Variants in EEIG1 observed in about 807,000 individuals in gnomAD.
EEIG1 encodes the protein estrogen-induced osteoclastogenesis regulator 1.
chr9:127,960,140 G>C, the EEIG1 span, among the ~76,000 whole-genome samples: 1 of 152,206 alleles, frequency 6.6e-6, no homozygotes, highest in Non-Finnish European at 1.5e-5. Flanking sequence ...TCAGGTGGGG[G>C]GTTAGGGATG....
chr9:127,953,876 C>G, the EEIG1 span: 1 of 1,614,008 alleles, frequency 6.2e-7, no homozygotes, highest in Non-Finnish European at 8.5e-7. Flanking sequence ...ATCTTACACA[C>G]GAAGGTGAAC....
At chr9:127,953,609 A>G in the EEIG1 span, 8 of 1,613,882 alleles carry the variant, frequency 5.0e-6, no homozygotes, top group African/African-American at 1.3e-5. Flanking sequence ...CAGCTCCTGC[A>G]CAGGGAGGGA....
the EEIG1 span, among the ~76,000 whole-genome samples, chr9:127,946,312 G>A: frequency 6.6e-6 from 1 of 152,226 alleles, no homozygotes; most frequent in Non-Finnish European, 1.5e-5. Context: ...CCACAGTCCT[G>A]TCCCAAGTCA....
At chr9:127,970,221 C>A in the EEIG1 span, among the ~76,000 whole-genome samples, 2 of 152,156 alleles carry the variant, frequency 1.3e-5, no homozygotes, top group Non-Finnish European at 2.9e-5. Flanking sequence ...TCAAGTGATT[C>A]TCCTGCCTCC....
the EEIG1 span, chr9:127,979,875 C>T: frequency 2.2e-5 from 29 of 1,294,916 alleles, no homozygotes; most frequent in Non-Finnish European, 2.9e-5. Flanking sequence ...GCCCCAGGCA[C>T]ACAGAATCCC....
chr9:127,979,910 A>G, the EEIG1 span: 2 of 1,484,874 alleles, frequency 1.3e-6, no homozygotes, highest in Non-Finnish European at 1.8e-6. Flanking sequence ...CACCGGCCCC[A>G]AGGGGCCCTT....
At chr9:127,944,533 G>C in the EEIG1 span, 2 of 1,015,742 alleles carry the variant, frequency 2.0e-6, no homozygotes, top group South Asian at 2.7e-5. Context: ...GGCGTTCAAG[G>C]CCAGGTGAGT....
At chr9:127,961,865 G>A in the EEIG1 span, among the ~76,000 whole-genome samples, 1 of 151,728 alleles carries the variant, frequency 6.6e-6, no homozygotes, top group Non-Finnish European at 1.5e-5. Flanking sequence ...AGGAGCTGGG[G>A]GCCAGTGTAG....
chr9:127,943,145 G>A, the EEIG1 span: 3 of 1,585,858 alleles, frequency 1.9e-6, no homozygotes, highest in Non-Finnish European at 2.6e-6. Context: ...ATACAGGTCT[G>A]GACTCCAGAG....
the EEIG1 span, among the ~76,000 whole-genome samples, chr9:127,956,600 G>A: frequency 2.0e-5 from 3 of 152,148 alleles, no homozygotes; most frequent in East Asian, 3.9e-4. Flanking sequence ...TGGTAGAGAC[G>A]GGGTTTCACT....
chr9:127,943,102 G>A, the EEIG1 span: 3 of 1,205,534 alleles, frequency 2.5e-6, no homozygotes, highest in Non-Finnish European at 3.7e-6. Context: ...GTGGCGCAGA[G>A]GTGATCTGAA....
the EEIG1 span, chr9:127,963,865 A>T: frequency 3.9e-5 from 6 of 152,266 alleles, no homozygotes; most frequent in African/African-American, 1.4e-4. Flanking sequence ...CACAGGAATG[A>T]CTGCAGTCAC....
At chr9:127,947,464 A>T in the EEIG1 span, among the ~76,000 whole-genome samples, 2 of 152,116 alleles carry the variant, frequency 1.3e-5, no homozygotes, top group Admixed American at 6.6e-5. Context: ...CAGAGTGCCC[A>T]CTAAGTGCTT....
chr9:127,980,824 C>T, the EEIG1 span, among the ~76,000 whole-genome samples: 2 of 149,488 alleles, frequency 1.3e-5, no homozygotes, highest in East Asian at 2.0e-4. Context: ...GCGCCGCCTC[C>T]TCCTCGATCC....
chr9:127,945,921 TC>T, the EEIG1 span, among the ~76,000 whole-genome samples: 13 of 152,192 alleles, frequency 8.5e-5, no homozygotes, highest in Non-Finnish European at 1.8e-4. This position sits in a 1 kb window ranked among gnomAD's most constrained non-coding sequence, Gnocchi z 6.5. Context: ...TAGGTCACCC[TC>T]CGAACCCAGG....
At chr9:127,966,580 G>T in the EEIG1 span, among the ~76,000 whole-genome samples, 3 of 152,162 alleles carry the variant, frequency 2.0e-5, no homozygotes, top group Non-Finnish European at 4.4e-5. Flanking sequence ...CCAGGCAAAC[G>T]CCCTGTTAAC....
the EEIG1 span, chr9:127,953,593 G>T: frequency 6.2e-7 from 1 of 1,613,794 alleles, no homozygotes; most frequent in South Asian, 1.1e-5. Flanking sequence ...AAGCCTTCCC[G>T]CCTTTCAGCT....
At chr9:127,964,977 C>T in the EEIG1 span, among the ~76,000 whole-genome samples, 86 of 152,018 alleles carry the variant, frequency 5.7e-4, no homozygotes, top group Non-Finnish European at 1.0e-3. Flanking sequence ...GATGTGGTGG[C>T]GGGCACCTGT....
At chr9:127,966,867 G>T in the EEIG1 span, among the ~76,000 whole-genome samples, 1 of 152,192 alleles carries the variant, frequency 6.6e-6, no homozygotes, top group African/African-American at 2.4e-5. Context: ...GGTCACATGG[G>T]AGGTAACGGG....
Sources: allele counts gnomAD v4.1 joint callset (sites outside exome capture counted in the v4.1 genomes callset), GRCh38; gene constraint gnomAD v4.1.1; non-coding constraint Gnocchi (gnomAD v3.1); transcripts MANE v1.5; gene names NCBI Gene and HGNC (gene_info 2026-07-23, HGNC 2026-07-21).